The following TGFB2 variants were observed in gnomAD, a reference collection of about 807,000 sequenced individuals.
TGFB2 encodes the protein transforming growth factor beta 2, also known as transforming growth factor beta-2 proprotein.
Under a neutral mutation model 42.7 loss-of-function variants are expected in TGFB2, and 13 were observed. The observed-to-expected ratio is 0.30, with a 90% CI of 0.20 to 0.48. The LOEUF is 0.48. Ranked by LOEUF, TGFB2 falls within the 20% of genes least tolerant of loss-of-function variation. The pLI is 0.99. For synonymous variants in TGFB2, 193 were observed against 193.6 expected (o/e 1.00, Z 0.03); for missense variants, 390 against 517.5 (o/e 0.75, Z 2.39).
chr1:218,370,177 A>C (rs1657525793), intron 1 of TGFB2, among the ~76,000 whole-genome samples: 2 of 152,256 alleles, frequency 1.3e-5, no homozygotes, highest in Non-Finnish European at 1.5e-5. Flanking sequence ...GAGAGGCCAG[A>C]AAAAGAATTG....
At chr1:218,389,397 G>C (rs997373341) in intron 1 of TGFB2, among the ~76,000 whole-genome samples, 1 of 152,022 alleles carries the variant, frequency 6.6e-6, no homozygotes, top group Non-Finnish European at 1.5e-5. Flanking sequence ...AGGCACCCTC[G>C]CCCGATAGAG....
intron 1 of TGFB2, among the ~76,000 whole-genome samples, chr1:218,356,456 C>A (rs910430409): frequency 2.6e-5 from 4 of 152,040 alleles, no homozygotes; most frequent in South Asian, 4.1e-4. Context: ...TGGCCTGAAG[C>A]AATCCTCCTG....
At chr1:218,351,950 C>G (rs540051310) in intron 1 of TGFB2, among the ~76,000 whole-genome samples, 1 of 152,210 alleles carries the variant, frequency 6.6e-6, no homozygotes, top group Admixed American at 6.5e-5. Flanking sequence ...AAGGAGTTCA[C>G]TGACTTGTAG....
At chr1:218,375,383 A>G (rs1657706613) in intron 1 of TGFB2, among the ~76,000 whole-genome samples, 1 of 151,502 alleles carries the variant, frequency 6.6e-6, no homozygotes, top group Admixed American at 6.6e-5. Context: ...TGTAACATCG[A>G]GAAAGTCAGT....
Position 218,346,056 on chromosome 1 carries a change from G to GCACACA in TGFB2, c.-626_-621dup, listed in dbSNP as rs151329324. Among the ~76,000 whole-genome samples, 2,340 of 145,622 alleles carry GCACACA rather than the reference G, an allele frequency of 0.016. 57 individuals carry two copies. The highest frequency in any genetic ancestry group is 0.054 in the African/African-American group (2,148 of 39,654). On this transcript the variant is annotated 5_prime_UTR_variant, in exon 1 of 7. Coordinates refer to ENST00000366930, the MANE Select transcript of TGFB2 (RefSeq NM_003238.6). This position sits in a 1 kb window ranked among gnomAD's most constrained non-coding sequence, Gnocchi z 4.9. ...GGGCTCGCCCCCAGCGCGCGCACAC[G>GCACACA]CACACACACACACACACACACACAC...
intron 2 of TGFB2, among the ~76,000 whole-genome samples, chr1:218,413,655 A>T (rs1659176838): frequency 6.6e-6 from 1 of 152,190 alleles, no homozygotes; most frequent in Non-Finnish European, 1.5e-5. Context: ...GACTCAACTT[A>T]CTTTTGTTCA....
intron 1 of TGFB2, among the ~76,000 whole-genome samples, chr1:218,360,898 A>C (rs2102543282): frequency 6.6e-6 from 1 of 152,304 alleles, no homozygotes; most frequent in Admixed American, 6.5e-5. Context: ...TGTGTCACCC[A>C]GGCTGGAGTG....
In TGFB2 at chr1:218,358,585, G is replaced by A. The variant is rs1424401102; in HGVS notation, c.346+11538G>A. Among the ~76,000 whole-genome samples, 10 of 135,648 alleles carry A rather than the reference G, an allele frequency of 7.4e-5. 1 individual carries two copies. Among genetic ancestry groups the A allele is most frequent in the African/African-American group, 2.3e-4 (8 of 34,048 alleles). The allele number at this position is 135,648 out of a possible 152,430, so 89.0% of individuals were successfully genotyped here. Reference sequence around the variant, plus strand: ...TTTTTTTGAGACAGAGTCTCGCTCCGTCACCTAGGCTGGAGTGCAGTGGTG... The same window carrying A: ...TTTTTTTGAGACAGAGTCTCGCTCCATCACCTAGGCTGGAGTGCAGTGGTG... On this transcript the variant is annotated intron_variant, in intron 1 of 6. Coordinates refer to ENST00000366930, the MANE Select transcript of TGFB2 (RefSeq NM_003238.6).
chr1:218,355,354 T>C (rs1333352442), intron 1 of TGFB2, among the ~76,000 whole-genome samples: 1 of 152,196 alleles, frequency 6.6e-6, no homozygotes, highest in African/African-American at 2.4e-5. Context: ...ACCCATTAAA[T>C]AAAGAAAGGA....
chr1:218,378,533 C>T (rs1266977978), intron 1 of TGFB2, among the ~76,000 whole-genome samples: 3 of 152,048 alleles, frequency 2.0e-5, no homozygotes, highest in Non-Finnish European at 2.9e-5. Context: ...AGGCTAGTCT[C>T]GAACTTCTGA....
chr1:218,365,272 G>A (rs772941665), intron 1 of TGFB2, among the ~76,000 whole-genome samples: 2 of 151,924 alleles, frequency 1.3e-5, no homozygotes, highest in Admixed American at 1.3e-4. Flanking sequence ...ATCCTGTCCT[G>A]TTAATTTTGT....
chr1:218,394,089 T>C (rs1251660506), intron 1 of TGFB2, among the ~76,000 whole-genome samples: 1 of 152,100 alleles, frequency 6.6e-6, no homozygotes, highest in African/African-American at 2.4e-5. Context: ...TTTTGTATTT[T>C]TAGTAGAGAC....
At chr1:218,400,426 C>G (rs57581337) in intron 1 of TGFB2, among the ~76,000 whole-genome samples, 1 of 152,024 alleles carries the variant, frequency 6.6e-6, no homozygotes, top group African/African-American at 2.4e-5. Context: ...TGCCCTAAAA[C>G]TTGGAACATG....
In TGFB2 at chr1:218,346,603, A is replaced by T. The variant is rs886957040; in HGVS notation, c.-99A>T. On this transcript the variant is annotated 5_prime_UTR_variant, in exon 1 of 7. Transcript: ENST00000366930. This position sits in a 1 kb window ranked among gnomAD's most constrained non-coding sequence, Gnocchi z 4.9. ...TCGCATCAAAAACAACAACAACAAA[A>T]AACCAAACAACTCTCCTTGATCTAT... 1 of 1,150,528 alleles carries T rather than the reference A, an allele frequency of 8.7e-7. No homozygotes were observed. 71.3% of individuals were successfully genotyped at this position (1,150,528 alleles called of 1,614,324 possible).
At chr1:218,353,826 G>A (rs1656946346) in intron 1 of TGFB2, among the ~76,000 whole-genome samples, 1 of 152,118 alleles carries the variant, frequency 6.6e-6, no homozygotes, top group African/African-American at 2.4e-5. Context: ...GGAGTTTGAG[G>A]CTGCAGTGAG....
At chr1:218,411,440 G>T (rs1390679393) in intron 2 of TGFB2, among the ~76,000 whole-genome samples, 6 of 152,142 alleles carry the variant, frequency 3.9e-5, no homozygotes, top group Non-Finnish European at 8.8e-5. Flanking sequence ...ATGACTGGAA[G>T]GCCGGGCTCA....
intron 1 of TGFB2, among the ~76,000 whole-genome samples, chr1:218,357,066 GC>G (rs1387045545): frequency 3.9e-5 from 6 of 151,978 alleles, no homozygotes; most frequent in African/African-American, 1.5e-4. Context: ...ACAAAAATTA[GC>G]CGGGCATGGT....
chr1:218,389,121 T>G (rs1658233915), intron 1 of TGFB2, among the ~76,000 whole-genome samples: 2 of 152,168 alleles, frequency 1.3e-5, no homozygotes, highest in African/African-American at 4.8e-5. Flanking sequence ...ATGGGGGTAA[T>G]CCTAACCTGG....
chr1:218,417,663 C>T (rs1659325503), intron 2 of TGFB2, among the ~76,000 whole-genome samples: 1 of 152,178 alleles, frequency 6.6e-6, no homozygotes, highest in Admixed American at 6.5e-5. Context: ...CATGGCAGCC[C>T]CTCCCATCAT....
Sources: gnomAD v4.1 joint callset for allele counts (sites outside exome capture counted in the v4.1 genomes callset) on GRCh38, gnomAD v4.1.1 for gene constraint, Gnocchi (gnomAD v3.1) non-coding constraint, MANE v1.5 for transcripts, NCBI Gene and HGNC (gene_info 2026-07-23, HGNC 2026-07-21) for gene names.